Variants in PKHD1 observed in about 807,000 individuals in gnomAD.
PKHD1 encodes fibrocystin.
Under a neutral mutation model 412.0 loss-of-function variants are expected in PKHD1, and 291 were observed. The ratio of observed to expected loss-of-function variants is 0.71; its 90% CI spans 0.64 to 0.78. PKHD1 has a LOEUF of 0.78. PKHD1 is among the 30% of genes least tolerant of loss of function. The pLI, the probability that PKHD1 is intolerant of heterozygous loss-of-function variation, is 0.00. For missense variants in PKHD1, 4,825 were observed against 4,950.7 expected (o/e 0.97, Z 0.76); for synonymous variants, 1,777 against 1,821.5 (o/e 0.98, Z 0.62).
intron 35 of PKHD1, among the ~76,000 whole-genome samples, chr6:52,008,736 C>A (rs1799408485): frequency 6.6e-6 from 1 of 152,048 alleles, no homozygotes; most frequent in African/African-American, 2.4e-5. Flanking sequence ...CACACCAACC[C>A]TATGAAGTGG....
chr6:51,861,958 G>A (rs192201981), intron 48 of PKHD1, among the ~76,000 whole-genome samples: 1 of 152,288 alleles, frequency 6.6e-6, no homozygotes, highest in East Asian at 1.9e-4. Context: ...ATGGCTATTT[G>A]AGAACACGAG....
intron 29 of PKHD1, 127 bp downstream of exon 29, chr6:52,032,903 G>C (rs1581853821): frequency 1.2e-6 from 1 of 829,532 alleles, no homozygotes; most frequent in East Asian, 2.4e-5. Context: ...GATGAAAAAA[G>C]CAATCTCCTA....
chr6:52,053,330 C>G, intron 20 of PKHD1, 79 bp from the exon 21 acceptor site: 1 of 1,425,720 alleles, frequency 7.0e-7, no homozygotes, highest in Non-Finnish European at 9.7e-7. Context: ...TGTTCCCAAC[C>G]TGGGGGGCCT....
chr6:51,825,136 G>T (rs1204333026), intron 52 of PKHD1, among the ~76,000 whole-genome samples: 3 of 152,138 alleles, frequency 2.0e-5, no homozygotes, highest in Non-Finnish European at 4.4e-5. Flanking sequence ...ATTAAGTCAG[G>T]TACATCTGCT....
intron 46 of PKHD1, among the ~76,000 whole-genome samples, chr6:51,882,196 G>A (rs1445974657): frequency 1.3e-5 from 2 of 151,952 alleles, no homozygotes; most frequent in Non-Finnish European, 2.9e-5. Flanking sequence ...ATCCTCTCTT[G>A]AAAACTACAC....
intron 58 of PKHD1, 27 bp from the exon 59 acceptor site, chr6:51,746,916 ATAT>A: frequency 1.6e-6 from 2 of 1,274,896 alleles, no homozygotes; most frequent in African/African-American, 3.0e-5. Context: ...ATGTATCATA[ATAT>A]TATATCATAT....
At chr6:51,790,060 A>G (rs544024331) in intron 53 of PKHD1, among the ~76,000 whole-genome samples, 2 of 152,286 alleles carry the variant, frequency 1.3e-5, no homozygotes, top group South Asian at 4.1e-4. Flanking sequence ...CAGTAACTTA[A>G]CCTTTGTTCA....
At chr6:51,646,688 C>G (rs1433697929) in intron 63 of PKHD1, among the ~76,000 whole-genome samples, 1 of 152,140 alleles carries the variant, frequency 6.6e-6, no homozygotes, top group East Asian at 1.9e-4. Flanking sequence ...CAATATCCAC[C>G]CAATATAACA....
chr6:51,874,885 G>GGCGCAGGCCAGTGTGTGT (rs1181941046), intron 46 of PKHD1, among the ~76,000 whole-genome samples: 3 of 97,832 alleles, frequency 3.1e-5, no homozygotes, highest in Non-Finnish European at 5.7e-5. Context: ...CCAGACAGTG[G>GGCGCAGGCCAGTGTGTGT]GCGCAGGCCA....
chr6:51,616,939 C>T lies in PKHD1; in HGVS notation c.*2142G>A. The T allele has an allele frequency of 2.7e-6, 1 of 365,362 alleles. No individual in the cohort carries two copies. Among genetic ancestry groups the T allele is most frequent in the Non-Finnish European group, 4.9e-6 (1 of 205,570 alleles). The allele number at this position is 365,362 out of a possible 1,614,324, so 22.6% of individuals were successfully genotyped here. A position where few individuals can be genotyped will look rare whatever the true frequency, so the allele number is the denominator to read the frequency against. Reference sequence around the variant, plus strand: ...ATTTCTGGTCTGAGTGCAGTGATGTCATTCATTGAGTTGGAAAAAAACACA... The same window carrying T: ...ATTTCTGGTCTGAGTGCAGTGATGTTATTCATTGAGTTGGAAAAAAACACA... On this transcript the variant is annotated 3_prime_UTR_variant, in exon 67 of 67. Transcript: ENST00000371117.
chr6:51,911,163 C>A (rs1168740266), intron 39 of PKHD1, among the ~76,000 whole-genome samples: 4 of 152,132 alleles, frequency 2.6e-5, no homozygotes, highest in Admixed American at 1.3e-4. Flanking sequence ...CCATCCTGGA[C>A]CAAAGTTGAC....
In PKHD1 at chr6:51,616,680, T is replaced by A; in HGVS notation, c.*2401A>T. On this transcript the variant is annotated 3_prime_UTR_variant, in exon 67 of 67. Transcript: ENST00000371117. ...TAGGCCCAAAGAGTCAATTCTGGCC[T>A]CAGGGATCACAGGCTTTTCTGGGAT... is the stretch of plus-strand genomic sequence containing the variant. 2.5e-6 allele frequency: 1 copy of A among 398,480 alleles called. No homozygotes were observed. Among genetic ancestry groups the A allele is most frequent in the Non-Finnish European group, 4.4e-6 (1 of 225,976 alleles). 24.7% of individuals were successfully genotyped at this position (398,480 alleles called of 1,614,324 possible).
chr6:51,775,342 A>T (rs1790836193), intron 54 of PKHD1, among the ~76,000 whole-genome samples: 1 of 151,872 alleles, frequency 6.6e-6, no homozygotes, highest in African/African-American at 2.4e-5. Context: ...ATGGTTATAC[A>T]AGGCCAGTCC....
chr6:51,650,186 T>C (rs1232611131), intron 61 of PKHD1, among the ~76,000 whole-genome samples: 1 of 152,160 alleles, frequency 6.6e-6, no homozygotes, highest in Non-Finnish European at 1.5e-5. Context: ...ACATAGAAAA[T>C]AGTTACATAA....
At position 51,757,625 on chromosome 6, in the gene PKHD1, T is replaced by A. The variant is rs547601069; in HGVS notation, c.8643-2687A>T. 2.0e-5 allele frequency among the ~76,000 whole-genome samples: 3 copies of A among 152,254 alleles called. No individual in the cohort carries two copies. In the East Asian group the frequency reaches 5.8e-4, roughly 30 times the overall value. On this transcript the variant is annotated intron_variant, in intron 55 of 66. Transcript: ENST00000371117. ...CATCAATTTGACATAAAAAATGCTGTTTATTGCCTTGTGACTGGTTTTGTA... is the reference window on the plus strand; with the variant it reads ...CATCAATTTGACATAAAAAATGCTGATTATTGCCTTGTGACTGGTTTTGTA...
intron 1 of PKHD1, among the ~76,000 whole-genome samples, chr6:52,086,703 GT>G (rs1812851300): frequency 6.6e-6 from 1 of 152,230 alleles, no homozygotes; most frequent in Non-Finnish European, 1.5e-5. Flanking sequence ...ACCAGATAGG[GT>G]AAGTGTGGAG....
intron 51 of PKHD1, among the ~76,000 whole-genome samples, chr6:51,833,837 G>A (rs960567495): frequency 2.0e-5 from 3 of 152,118 alleles, no homozygotes; most frequent in Admixed American, 2.0e-4. Context: ...ACAGTCTTAA[G>A]AGTTGAGAAC....
At chr6:51,687,563 C>T (rs1179896938) in intron 60 of PKHD1, among the ~76,000 whole-genome samples, 1 of 152,182 alleles carries the variant, frequency 6.6e-6, no homozygotes, top group Non-Finnish European at 1.5e-5. Flanking sequence ...ATTTTGCCAC[C>T]ATGTCACCTG....
At chr6:51,903,312 G>C (rs1283420448) in intron 43 of PKHD1, among the ~76,000 whole-genome samples, 1 of 152,172 alleles carries the variant, frequency 6.6e-6, no homozygotes, top group Non-Finnish European at 1.5e-5. Context: ...GAGCAAGCTT[G>C]TCCAACTGGC....
Sources: allele counts gnomAD v4.1 joint callset (sites outside exome capture counted in the v4.1 genomes callset), GRCh38; gene constraint gnomAD v4.1.1; transcripts MANE v1.5; gene names NCBI Gene and HGNC (gene_info 2026-07-23, HGNC 2026-07-21).